The following DNAH9 variants were observed in gnomAD, a reference collection of about 807,000 sequenced individuals.
DNAH9 encodes the protein DNAH9 variant protein.
A neutral mutation model predicts 471.6 loss-of-function variants in DNAH9; 345 were observed. That is an observed-to-expected ratio of 0.73 (90% confidence interval 0.67 to 0.80). The LOEUF (loss-of-function observed/expected upper bound fraction) is 0.80. Ranked by LOEUF, DNAH9 falls within the 30% of genes least tolerant of loss-of-function variation. The probability of loss-of-function intolerance (pLI) is 0.00; values close to 1 mark genes in which losing one functional copy is unlikely to be tolerated. For missense variants in DNAH9, 5,407 were observed against 5,609.2 expected (o/e 0.96, Z 1.15); for synonymous variants, 2,093 against 2,123.6 (o/e 0.99, Z 0.40).
intron 26 of DNAH9, among the ~76,000 whole-genome samples, chr17:11,718,245 T>C (rs1296649763): frequency 6.6e-6 from 1 of 152,260 alleles, no homozygotes; most frequent in East Asian, 1.9e-4. Context: ...TCGTCCATCC[T>C]GTAGCATGTT....
In DNAH9 at chr17:11,892,009, G is replaced by A; in HGVS notation, c.11283+62G>A. 1 of 1,572,030 alleles carries A rather than the reference G, an allele frequency of 6.4e-7. No homozygotes were observed. Among genetic ancestry groups the A allele is most frequent in the South Asian group, 1.1e-5 (1 of 88,416 alleles). On this transcript the variant is annotated intron_variant, in intron 58 of 68. Transcript: ENST00000262442. This position sits in a 1 kb window ranked among gnomAD's most constrained non-coding sequence, Gnocchi z 4.3. ...TATTTTTAGTGCCCAGACAGCAGGT[G>A]TTAAGAAACTTTCTTCTTTGAACAT...
intron 61 of DNAH9, among the ~76,000 whole-genome samples, chr17:11,909,629 C>T (rs1238121458): frequency 6.6e-6 from 1 of 152,102 alleles, no homozygotes; most frequent in Non-Finnish European, 1.5e-5. Flanking sequence ...CTTTCAGTGG[C>T]ATTTGCCCCT....
intron 61 of DNAH9, among the ~76,000 whole-genome samples, chr17:11,918,473 T>C (rs1355025175): frequency 6.6e-6 from 1 of 152,122 alleles, no homozygotes; most frequent in African/African-American, 2.4e-5. Flanking sequence ...TCAAGCAACC[T>C]GCCCACCTCA....
intron 20 of DNAH9, among the ~76,000 whole-genome samples, chr17:11,693,649 C>T (rs1381462901): frequency 6.6e-6 from 1 of 152,072 alleles, no homozygotes; most frequent in Non-Finnish European, 1.5e-5. Context: ...TAGATAGTAC[C>T]TACATAAACA....
chr17:11,673,615 T>G (rs1267503441), intron 17 of DNAH9, among the ~76,000 whole-genome samples: 1 of 151,746 alleles, frequency 6.6e-6, no homozygotes, highest in East Asian at 1.9e-4. Flanking sequence ...TTTTTTTTTT[T>G]TTGGTTTTTC....
At chr17:11,881,484 G>A in intron 55 of DNAH9, 71 bp downstream of exon 55, 3 of 1,479,596 alleles carry the variant, frequency 2.0e-6, no homozygotes. Flanking sequence ...AGAGGTTGCA[G>A]AGGGGGGCTG....
chr17:11,798,455 AAAAG>A (rs1969334205), intron 43 of DNAH9, among the ~76,000 whole-genome samples: 2 of 144,476 alleles, frequency 1.4e-5, no homozygotes, highest in African/African-American at 5.1e-5. Flanking sequence ...AAAAAAAAAA[AAAAG>A]AGAGAGAGAG....
chr17:11,903,021 C>T lies in DNAH9; in HGVS notation c.11600+109C>T. On this transcript the variant is annotated intron_variant, in intron 60 of 68. Transcript: ENST00000262442. The stretch of plus-strand genomic sequence containing the variant: ...CAAAGCCATGTGTATATAGTAGTTT[C>T]CTGGAGCTAGAGGGTGGGAATAGAA... The T allele has an allele frequency of 3.2e-6, 4 of 1,240,366 alleles. No individual in the cohort carries two copies. The South Asian group carries it at 4.7e-5, about 14-fold the overall frequency. 76.8% of individuals were successfully genotyped at this position (1,240,366 alleles called of 1,614,324 possible).
chr17:11,881,354 G>A lies in DNAH9; in HGVS notation c.10747G>A (p.Glu3583Lys). 2 of 1,614,122 alleles carry A rather than the reference G, an allele frequency of 1.2e-6. No homozygotes were observed. Among genetic ancestry groups the A allele is most frequent in the Non-Finnish European group, 1.7e-6 (2 of 1,180,020 alleles). The change falls in exon 55 of 69, where the codon GAG (glutamate) becomes AAG (lysine). Residue 3583 changes from glutamate to lysine, a missense_variant. Physicochemically the swap from Glu to Lys is moderately conservative, Grantham distance 56 (BLOSUM62 1). This residue lies in a region of DNAH9 where 4,636 missense variants were observed against 4,900.3 expected (regional missense o/e 0.95). Transcript: ENST00000262442. ...INFTVTRDGL[E>K]DQLLAAVVSM... ...CTTCACCGTGACCAGGGATGGCCTGGAGGACCAGTTGCTGGCCGCTGTGGT... is the reference window on the plus strand; with the variant it reads ...CTTCACCGTGACCAGGGATGGCCTGAAGGACCAGTTGCTGGCCGCTGTGGT...
At chr17:11,896,294 C>T (rs1035715339) in intron 59 of DNAH9, among the ~76,000 whole-genome samples, 1 of 151,726 alleles carries the variant, frequency 6.6e-6, no homozygotes, top group African/African-American at 2.4e-5. Flanking sequence ...CAGTTCACTC[C>T]ATAACAATTA....
chr17:11,923,635 T>C lies in DNAH9; in HGVS notation c.11750-179T>C, dbSNP rs73300406. ...TCAAGTGCTTCCTTTTATATGACAATAAAAAGCTGGAAGAAGTAGCCCCCT... is the reference window on the plus strand; with the variant it reads ...TCAAGTGCTTCCTTTTATATGACAACAAAAAGCTGGAAGAAGTAGCCCCCT... On this transcript the variant is annotated intron_variant, in intron 61 of 68. Coordinates refer to ENST00000262442, the MANE Select transcript of DNAH9 (RefSeq NM_001372.4). 0.26 allele frequency among the ~76,000 whole-genome samples: 39,759 copies of C among 151,846 alleles called. 5,688 individuals are homozygous for C. Among genetic ancestry groups the C allele is most frequent in the East Asian group, 0.47 (2,429 of 5,140 alleles).
chr17:11,737,197 A>G (rs530268896), intron 28 of DNAH9, among the ~76,000 whole-genome samples: 319 of 152,362 alleles, frequency 2.1e-3, no homozygotes, highest in African/African-American at 7.1e-3. Context: ...TGTGAGCTCA[A>G]ACGCATACAG....
rs775535605 is a variant in DNAH9 at position 11,598,572 on chromosome 17, T to C, written c.74T>C (p.Leu25Pro). 5 of 1,341,712 alleles carry C rather than the reference T, an allele frequency of 3.7e-6. No individual in the cohort carries two copies. In the South Asian group the frequency reaches 4.8e-5, roughly 13 times the overall value. 83.1% of individuals were successfully genotyped at this position (1,341,712 alleles called of 1,614,324 possible). A position where few individuals can be genotyped will look rare whatever the true frequency, so the allele number is the denominator to read the frequency against. Reference sequence around the variant, plus strand: ...GGGGAACCCGGCGCCGACCGACGACTGCGACTCCTGGGGACCTACGTGGCC... The same window carrying C: ...GGGGAACCCGGCGCCGACCGACGACCGCGACTCCTGGGGACCTACGTGGCC... ...ADGEPGADRR[L>P]RLLGTYVAMS... is the part of the protein sequence containing the mutation. Residue 25 changes from leucine (L) to proline (P), a missense_variant, in exon 1 of 69, where the codon CTG (leucine) becomes CCG (proline). Physicochemically the swap from Leu to Pro is moderately conservative, Grantham distance 98. This residue lies in a region of DNAH9 where 767 missense variants were observed against 692.5 expected (regional missense o/e 1.11). Transcript: ENST00000262442.
At chr17:11,899,674 G>A (rs1597803396) in intron 59 of DNAH9, among the ~76,000 whole-genome samples, 1 of 152,192 alleles carries the variant, frequency 6.6e-6, no homozygotes, top group African/African-American at 2.4e-5. Context: ...GCCAGAGGGG[G>A]TTGCAGGACT....
At chr17:11,887,081 A>G in intron 57 of DNAH9, 116 bp downstream of exon 57, 1 of 1,364,548 alleles carries the variant, frequency 7.3e-7, no homozygotes, top group Non-Finnish European at 9.9e-7. Flanking sequence ...AGTCTGTAAG[A>G]TCAAAGCCAG....
intron 22 of DNAH9, among the ~76,000 whole-genome samples, chr17:11,697,403 G>A (rs2074495697): frequency 6.6e-6 from 1 of 151,966 alleles, no homozygotes; most frequent in Admixed American, 6.6e-5. Context: ...AGGCCTGCCT[G>A]CTTTAAAAAA....
intron 25 of DNAH9, 108 bp downstream of exon 25, chr17:11,704,550 C>T: frequency 2.0e-6 from 2 of 996,016 alleles, no homozygotes; most frequent in Non-Finnish European, 2.9e-6. Flanking sequence ...ACTGACCAGA[C>T]AGCTGGGGGA....
At chr17:11,708,825 G>A (rs911476255) in intron 26 of DNAH9, among the ~76,000 whole-genome samples, 29 of 152,008 alleles carry the variant, frequency 1.9e-4, no homozygotes, top group African/African-American at 6.3e-4. Flanking sequence ...TCTATCCCCC[G>A]CTCTAGACTG....
intron 50 of DNAH9, among the ~76,000 whole-genome samples, chr17:11,857,337 C>T (rs73980518): frequency 0.019 from 2,876 of 152,246 alleles, 98 homozygotes; most frequent in African/African-American, 0.065. Context: ...CTTTTAACAA[C>T]CTCCTCTCCA....
Sources: gnomAD v4.1 joint callset for allele counts (sites outside exome capture counted in the v4.1 genomes callset) on GRCh38, gnomAD v4.1.1 for gene constraint, gnomAD v4.1.1 regional missense constraint, Gnocchi (gnomAD v3.1) non-coding constraint, MANE v1.5 for transcripts, NCBI Gene and HGNC (gene_info 2026-07-23, HGNC 2026-07-21) for gene names.